DLG2: variants seen among roughly 807,000 people sequenced by gnomAD.
DLG2 encodes disks large homolog 2.
In DLG2, 45 loss-of-function variants were observed where a neutral mutation model predicts 132.5. That is an observed-to-expected ratio of 0.34 (90% CI 0.27 to 0.44). The LOEUF (loss-of-function observed/expected upper bound fraction) is 0.44. Among genes scored for constraint, DLG2 ranks in the 20% least tolerant of loss-of-function variants. The probability of loss-of-function intolerance (pLI) is 1.00; values close to 1 mark genes in which losing one functional copy is unlikely to be tolerated. For synonymous variants in DLG2, 424 were observed against 419.6 expected, an observed-to-expected ratio of 1.01 and a Z score of -0.13; for missense variants, 1,045 against 1,196.9, an observed-to-expected ratio of 0.87 and a Z score of 1.87.
chr11:85,210,923 C>T (rs1014741226), intron 4 of DLG2, among the ~76,000 whole-genome samples: 1 of 151,946 alleles, frequency 6.6e-6, no homozygotes, highest in African/African-American at 2.4e-5. Flanking sequence ...AATCTTATTC[C>T]CTCCCCTTCA....
intron 7 of DLG2, among the ~76,000 whole-genome samples, chr11:84,504,552 ATTGC>A: frequency 6.6e-6 from 1 of 152,308 alleles, no homozygotes. Context: ...TGCTGACCTA[ATTGC>A]CAACATTCTT....
chr11:84,238,287 T>G (rs551043520), intron 8 of DLG2, among the ~76,000 whole-genome samples: 19 of 152,008 alleles, frequency 1.2e-4, no homozygotes, highest in Non-Finnish European at 2.1e-4. Flanking sequence ...GGCCGAGGTG[T>G]GCGGATTGCT....
chr11:83,914,146 A>T (rs1345487952), intron 15 of DLG2, among the ~76,000 whole-genome samples: 1 of 151,922 alleles, frequency 6.6e-6, no homozygotes, highest in Non-Finnish European at 1.5e-5. Flanking sequence ...GGCCTGGGAG[A>T]GGTGTTTTGG....
intron 3 of DLG2, among the ~76,000 whole-genome samples, chr11:85,388,830 G>A (rs1433982756): frequency 6.6e-6 from 1 of 152,020 alleles, no homozygotes; most frequent in Non-Finnish European, 1.5e-5. Context: ...CACCGCCATG[G>A]GACAAAAAAA....
chr11:85,021,002 A>C (rs191794885), intron 6 of DLG2: 2 of 775,824 alleles, frequency 2.6e-6, no homozygotes, highest in Non-Finnish European at 4.8e-6. Context: ...CTGACTTATT[A>C]TTCATATCTA....
intron 8 of DLG2, among the ~76,000 whole-genome samples, chr11:84,165,805 G>A (rs531023950): frequency 5.3e-4 from 80 of 152,254 alleles, no homozygotes; most frequent in African/African-American, 1.9e-3. Flanking sequence ...GGCTGAGGCA[G>A]AAGAATTGCT....
chr11:84,916,310 C>A (rs2092458108), intron 6 of DLG2, among the ~76,000 whole-genome samples: 1 of 124,740 alleles, frequency 8.0e-6, no homozygotes, highest in Non-Finnish European at 1.6e-5. Flanking sequence ...GATTGCGCCA[C>A]TGCACTCCAG....
intron 3 of DLG2, among the ~76,000 whole-genome samples, chr11:85,394,904 C>CCT (rs2087153404): frequency 6.6e-6 from 1 of 152,158 alleles, no homozygotes; most frequent in Admixed American, 6.6e-5. Context: ...ATGAATATAG[C>CCT]ATTCTTGCCT....
chr11:85,077,283 G>GT (rs1403882570), intron 6 of DLG2, among the ~76,000 whole-genome samples: 10 of 152,032 alleles, frequency 6.6e-5, no homozygotes, highest in African/African-American at 2.4e-4. Flanking sequence ...TAAGGAGCAT[G>GT]TGAGTTAAGG....
chr11:84,700,605 A>G (rs71469653), intron 6 of DLG2, among the ~76,000 whole-genome samples: 1 of 151,638 alleles, frequency 6.6e-6, no homozygotes, highest in Non-Finnish European at 1.5e-5. Context: ...TTATTCCTTC[A>G]TCTCACATAT....
At chr11:83,927,123 T>C (rs2154126782) in intron 15 of DLG2, among the ~76,000 whole-genome samples, 1 of 152,294 alleles carries the variant, frequency 6.6e-6, no homozygotes, top group South Asian at 2.1e-4. Flanking sequence ...GCTTACGACT[T>C]GTTTTCAAAC....
In DLG2 at chr11:83,484,285, T is replaced by G; in HGVS notation, c.2194-57A>C. The stretch of plus-strand genomic sequence containing the variant: ...AGGGGACGTCTAATTGTTGTCACAC[T>G]CATGCTGACAAAACAACTAGTTTGT... On this transcript the variant is annotated intron_variant, in intron 21 of 27. Coordinates refer to ENST00000376104, the MANE Select transcript of DLG2 (RefSeq NM_001142699.3). 3.2e-6 allele frequency: 4 copies of G among 1,253,738 alleles called. No individual in the cohort carries two copies. The Admixed American group carries it at 7.4e-5, about 23-fold the overall frequency. The allele number at this position is 1,253,738 out of a possible 1,614,324, so 77.7% of individuals were successfully genotyped here. A position where few individuals can be genotyped will look rare whatever the true frequency, so the allele number is the denominator to read the frequency against.
At chr11:84,378,900 C>T (rs559172158) in intron 7 of DLG2, among the ~76,000 whole-genome samples, 12 of 151,838 alleles carry the variant, frequency 7.9e-5, no homozygotes, top group Admixed American at 2.0e-4. Flanking sequence ...GAACCAAGAT[C>T]GCGCCACTTC....
intron 8 of DLG2, among the ~76,000 whole-genome samples, chr11:84,204,645 A>G (rs1481782631): frequency 6.6e-6 from 1 of 152,214 alleles, no homozygotes; most frequent in African/African-American, 2.4e-5. Context: ...TAAAAGGCAG[A>G]TATCAGAATA....
In DLG2 at chr11:84,245,012, G is replaced by A. The variant is rs143744935; in HGVS notation, c.573+6226C>T. 3.1e-3 allele frequency among the ~76,000 whole-genome samples: 472 copies of A among 152,280 alleles called. 1 individual carries two copies. Among genetic ancestry groups the A allele is most frequent in the African/African-American group, 0.011 (453 of 41,552 alleles). On this transcript the variant is annotated intron_variant, in intron 8 of 27. Transcript: ENST00000376104. ...ACAAGTGCTTGGTCACCTCACTTCT[G>A]TAATATGGCAACTTCCTTCTCAGAG...
intron 8 of DLG2, among the ~76,000 whole-genome samples, chr11:84,209,797 A>T (rs2096727228): frequency 6.6e-6 from 1 of 152,220 alleles, no homozygotes; most frequent in South Asian, 2.1e-4. Flanking sequence ...AATTAAAAAG[A>T]TGAACAACAT....
At chr11:84,741,154 C>A (rs2153823100) in intron 6 of DLG2, among the ~76,000 whole-genome samples, 1 of 150,728 alleles carries the variant, frequency 6.6e-6, no homozygotes, top group South Asian at 2.1e-4. Context: ...GCAAGCTCCG[C>A]CTTCCGGGTT....
In DLG2 at chr11:84,563,965, G is replaced by C. The variant is rs188292361; in HGVS notation, c.358-29234C>G. Among the ~76,000 whole-genome samples, 376 of 152,206 alleles carry C rather than the reference G, an allele frequency of 2.5e-3. 1 individual carries two copies. Among genetic ancestry groups the C allele is most frequent in the Admixed American group, 9.2e-3 (140 of 15,282 alleles). On this transcript the variant is annotated intron_variant, in intron 6 of 27. Coordinates refer to ENST00000376104, the MANE Select transcript of DLG2 (RefSeq NM_001142699.3). The stretch of plus-strand genomic sequence containing the variant: ...TTCAGATACTGATATTAATTATATA[G>C]TGATTGGAAATCATTTACTCAAAAA...
intron 7 of DLG2, among the ~76,000 whole-genome samples, chr11:84,447,659 T>A (rs1225977187): frequency 6.6e-6 from 1 of 152,082 alleles, no homozygotes. Flanking sequence ...TTTTCTTTTC[T>A]AAGTTTTATT....
Sources: gnomAD v4.1 joint callset for allele counts (sites outside exome capture counted in the v4.1 genomes callset) on GRCh38, gnomAD v4.1.1 for gene constraint, MANE v1.5 for transcripts, NCBI Gene and HGNC (gene_info 2026-07-23, HGNC 2026-07-21) for gene names.